The following PTN variants were observed in gnomAD, a reference collection of about 807,000 sequenced individuals.
PTN encodes pleiotrophin.
Under a neutral mutation model 24.1 loss-of-function variants are expected in PTN, and 18 were observed. The ratio of observed to expected loss-of-function variants is 0.75; its 90% CI spans 0.52 to 1.11. The LOEUF (loss-of-function observed/expected upper bound fraction) is 1.11, where lower values mean the gene tolerates loss of function less well. Among genes scored for constraint, PTN ranks in the 50% least tolerant of loss-of-function variants. The pLI, the probability that PTN is intolerant of heterozygous loss-of-function variation, is 0.00. For synonymous variants in PTN, 78 were observed against 68.6 expected (o/e 1.14, Z -0.67); for missense variants, 163 against 198.8 (o/e 0.82, Z 1.08).
intron 1 of PTN, among the ~76,000 whole-genome samples, chr7:137,321,942 A>T (rs553674819): frequency 6.6e-6 from 1 of 152,210 alleles, no homozygotes; most frequent in Non-Finnish European, 1.5e-5. Context: ...TACAGTGTAC[A>T]ATAAGTTACA....
At chr7:137,228,245 G>A (rs1338709279) in intron 4 of PTN, among the ~76,000 whole-genome samples, 170 bp from the exon 5 acceptor site, 1 of 151,588 alleles carries the variant, frequency 6.6e-6, no homozygotes. Flanking sequence ...GTATGTGCAT[G>A]TGTGTGTGTG....
intron 1 of PTN, among the ~76,000 whole-genome samples, chr7:137,267,099 A>G (rs1275531565): frequency 6.6e-6 from 1 of 152,152 alleles, no homozygotes; most frequent in Non-Finnish European, 1.5e-5. Context: ...TGGCTTTTAA[A>G]GGAATCAGGT....
At chr7:137,313,841 CA>C (rs1254499213) in intron 1 of PTN, among the ~76,000 whole-genome samples, 2 of 152,106 alleles carry the variant, frequency 1.3e-5, no homozygotes, top group Non-Finnish European at 2.9e-5. Context: ...CTTAGAAATT[CA>C]AAAGAACGTA....
chr7:137,268,194 C>A (rs1196936522), intron 1 of PTN, among the ~76,000 whole-genome samples: 1 of 152,030 alleles, frequency 6.6e-6, no homozygotes, highest in Non-Finnish European at 1.5e-5. Context: ...GGCATCCCAC[C>A]GGGGCAAATG....
chr7:137,235,306 T>C (rs1808500265), intron 4 of PTN, among the ~76,000 whole-genome samples: 1 of 152,096 alleles, frequency 6.6e-6, no homozygotes, highest in South Asian at 2.1e-4. Flanking sequence ...TCGCCCCACG[T>C]CAGCTATGCC....
chr7:137,320,052 C>T (rs1810138118), intron 1 of PTN, among the ~76,000 whole-genome samples: 1 of 152,134 alleles, frequency 6.6e-6, no homozygotes, highest in African/African-American at 2.4e-5. Flanking sequence ...TCCAAAATTC[C>T]CTTGCACGAT....
chr7:137,304,870 G>C (rs1369578819), intron 1 of PTN, among the ~76,000 whole-genome samples: 1 of 151,950 alleles, frequency 6.6e-6, no homozygotes. Flanking sequence ...CATTTGCTAA[G>C]AGTTGGGAAC....
intron 1 of PTN, among the ~76,000 whole-genome samples, chr7:137,324,433 A>AAAAAAAAAAAAAAAATATATAT: frequency 2.3e-4 from 20 of 88,760 alleles, no homozygotes; most frequent in African/African-American, 1.4e-3. Context: ...AAAAAAAAAA[A>AAAAAAAAAAAAAAAATATATAT]ATATATATAT....
chr7:137,274,858 C>A (rs549087843), intron 1 of PTN, among the ~76,000 whole-genome samples: 64 of 152,126 alleles, frequency 4.2e-4, no homozygotes, highest in Middle Eastern at 6.8e-3. Flanking sequence ...GCATAAGAGG[C>A]CTATTTTAAT....
At chr7:137,331,308 T>A (rs1810354439) in intron 1 of PTN, among the ~76,000 whole-genome samples, 1 of 152,186 alleles carries the variant, frequency 6.6e-6, no homozygotes, top group Admixed American at 6.5e-5. Flanking sequence ...ATTACAGCCT[T>A]GAAGTACATC....
chr7:137,253,236 G>A (rs370686565), intron 3 of PTN, among the ~76,000 whole-genome samples: 30 of 152,116 alleles, frequency 2.0e-4, no homozygotes, highest in African/African-American at 5.1e-4. Flanking sequence ...GAATGCTACC[G>A]GAAACTAGCG....
chr7:137,327,871 T>C (rs950246609), intron 1 of PTN, among the ~76,000 whole-genome samples: 2 of 152,212 alleles, frequency 1.3e-5, no homozygotes, highest in African/African-American at 4.8e-5. Context: ...TCAGATATTC[T>C]ATTGATTAAA....
chr7:137,318,903 C>G (rs567077716), intron 1 of PTN: 1 of 152,178 alleles, frequency 6.6e-6, no homozygotes, highest in Non-Finnish European at 1.5e-5. Context: ...AGAATAAACT[C>G]TCCCTCCCCA....
intron 1 of PTN, among the ~76,000 whole-genome samples, chr7:137,298,011 G>T (rs767396640): frequency 6.6e-6 from 1 of 151,966 alleles, no homozygotes; most frequent in African/African-American, 2.4e-5. Context: ...GTCAGAAATA[G>T]CTCACTCTGC....
Position 137,227,954 on chromosome 7 carries a change from T to C in PTN, c.*66A>G. The C allele has an allele frequency of 1.3e-6, 2 of 1,583,526 alleles. No individual in the cohort carries two copies. Among genetic ancestry groups the C allele is most frequent in the Non-Finnish European group, 8.6e-7 (1 of 1,168,234 alleles). ...TTTTGAATACAAAGCCTACGGTACA[T>C]ATAAATGCAATAGTTAACTGATCCT... is the stretch of plus-strand genomic sequence containing the variant. On this transcript the variant is annotated 3_prime_UTR_variant, in exon 5 of 5. Transcript: ENST00000348225.
At chr7:137,276,872 G>A (rs796472541) in intron 1 of PTN, among the ~76,000 whole-genome samples, 9 of 152,114 alleles carry the variant, frequency 5.9e-5, no homozygotes, top group African/African-American at 1.7e-4. Context: ...AGTTTTCTCA[G>A]TTTGATACTT....
At chr7:137,296,880 A>G (rs1809726766) in intron 1 of PTN, among the ~76,000 whole-genome samples, 3 of 152,062 alleles carry the variant, frequency 2.0e-5, no homozygotes, top group Non-Finnish European at 4.4e-5. Flanking sequence ...ATGGCCTAAG[A>G]AGTCCTATGT....
At chr7:137,256,363 G>C (rs893818252) in intron 1 of PTN, among the ~76,000 whole-genome samples, 13 of 151,960 alleles carry the variant, frequency 8.6e-5, no homozygotes, top group African/African-American at 2.9e-4. Context: ...TCCCCTCCCT[G>C]TGTCCATGTC....
intron 1 of PTN, among the ~76,000 whole-genome samples, chr7:137,256,558 G>T (rs934389882): frequency 2.0e-5 from 3 of 152,054 alleles, no homozygotes; most frequent in Non-Finnish European, 4.4e-5. Flanking sequence ...TCTTTATCCA[G>T]TCTATCATTG....
Sources: allele counts gnomAD v4.1 joint callset (sites outside exome capture counted in the v4.1 genomes callset), GRCh38; gene constraint gnomAD v4.1.1; transcripts MANE v1.5; gene names NCBI Gene and HGNC (gene_info 2026-07-23, HGNC 2026-07-21).